TTC21B: variants seen among roughly 807,000 people sequenced by gnomAD.
TTC21B encodes the protein tetratricopeptide repeat domain 21B, also known as tetratricopeptide repeat protein 21B.
Under a neutral mutation model 175.1 loss-of-function variants are expected in TTC21B, and 127 were observed. The observed-to-expected ratio is 0.73, with a 90% CI of 0.63 to 0.84. The LOEUF (loss-of-function observed/expected upper bound fraction) is 0.84, where lower values mean the gene tolerates loss of function less well. TTC21B is among the 40% of genes least tolerant of loss of function. The pLI, the probability that TTC21B is intolerant of heterozygous loss-of-function variation, is 0.00. For synonymous variants in TTC21B, 524 were observed against 524.5 expected (o/e 1.00, Z 0.01); for missense variants, 1,561 against 1,558.3 (o/e 1.00, Z -0.03).
chr2:165,879,555 C>T (rs1207984344), intron 27 of TTC21B: 1 of 152,166 alleles, frequency 6.6e-6, no homozygotes, highest in Admixed American at 6.5e-5. Flanking sequence ...GCTGAAAAGA[C>T]TGATGCCATC....
rs373891320 is a variant in TTC21B, at chr2:165,876,219, T to C, written c.3819A>G (p.Ala1273=). ...RTNPAVGYKL[A]FNYLKAKRYV... ...ATCTTTTTGCTTTTAAGTAATTAAATGCCAGTTTGTATCCTGTTAAGACAA... is the reference window on the plus strand; with the variant it reads ...ATCTTTTTGCTTTTAAGTAATTAAACGCCAGTTTGTATCCTGTTAAGACAA... The change falls in exon 28 of 29, where the codon GCA becomes GCG. Residue 1273 remains alanine, a synonymous_variant. Transcript: ENST00000243344. The C allele has an allele frequency of 1.2e-4, 195 of 1,592,956 alleles. No individual in the cohort carries two copies. Among genetic ancestry groups the C allele is most frequent in the Middle Eastern group, 3.5e-4 (2 of 5,634 alleles).
chr2:165,920,789 T>TTTTGAAATATTTTAAATATTTAAAATAA, intron 12 of TTC21B, among the ~76,000 whole-genome samples: 1 of 151,546 alleles, frequency 6.6e-6, no homozygotes, highest in African/African-American at 2.4e-5. Flanking sequence ...ATTTAAAATA[T>TTTTGAAATATTTTAAATATTTAAAATAA]TTTGAAGGAT....
chr2:165,932,843 A>G (rs1686961707), intron 7 of TTC21B, 130 bp downstream of exon 7: 1 of 815,330 alleles, frequency 1.2e-6, no homozygotes, highest in East Asian at 2.8e-5. Context: ...TCAACTAAAA[A>G]CTACCATGAT....
At chr2:165,917,601 G>A in intron 13 of TTC21B, 120 bp from the exon 14 acceptor site, 1 of 818,784 alleles carries the variant, frequency 1.2e-6, no homozygotes, top group Non-Finnish European at 2.0e-6. Flanking sequence ...TTGTATGCAT[G>A]AGGTCTATCT....
Position 165,874,434 on chromosome 2 carries a change from C to A in TTC21B, c.*321G>T. The stretch of plus-strand genomic sequence containing the variant: ...AAATATATTTCCTGAAATAATATTC[C>A]TTAGAAAAGATACAGGGTATTTAAT... On this transcript the variant is annotated 3_prime_UTR_variant, in exon 29 of 29. Coordinates refer to ENST00000243344, the MANE Select transcript of TTC21B (RefSeq NM_024753.5). 5.2e-6 allele frequency: 1 copy of A among 193,604 alleles called. No homozygotes were observed. Among genetic ancestry groups the A allele is most frequent in the Non-Finnish European group, 1.1e-5 (1 of 93,310 alleles). 12.0% of individuals were successfully genotyped at this position (193,604 alleles called of 1,614,324 possible).
intron 20 of TTC21B, among the ~76,000 whole-genome samples, chr2:165,901,521 C>T (rs1685558685): frequency 6.6e-6 from 1 of 151,950 alleles, no homozygotes; most frequent in Non-Finnish European, 1.5e-5. Context: ...CAAGGTTTCC[C>T]CATGTTGGTC....
chr2:165,886,553 T>G (rs962450548), intron 25 of TTC21B, among the ~76,000 whole-genome samples: 3 of 152,166 alleles, frequency 2.0e-5, no homozygotes, highest in African/African-American at 7.2e-5. Flanking sequence ...CATATATCAT[T>G]GTCTTTTGAA....
intron 4 of TTC21B, among the ~76,000 whole-genome samples, 163 bp from the exon 5 acceptor site, chr2:165,943,504 G>T (rs1298753074): frequency 6.6e-6 from 1 of 152,070 alleles, no homozygotes; most frequent in Admixed American, 6.6e-5. Flanking sequence ...TTGAACCCTT[G>T]CCAGCCTAGT....
At chr2:165,913,198 G>T (rs1311753603) in intron 16 of TTC21B, among the ~76,000 whole-genome samples, 1 of 151,984 alleles carries the variant, frequency 6.6e-6, no homozygotes, top group Non-Finnish European at 1.5e-5. Flanking sequence ...CTAATTTTTT[G>T]TATTTTTTGT....
intron 13 of TTC21B, 147 bp downstream of exon 13, chr2:165,919,129 T>C: frequency 3.3e-6 from 3 of 906,810 alleles, no homozygotes; most frequent in Non-Finnish European, 5.3e-6. Flanking sequence ...CCTCAATTTT[T>C]CCTCCTACTG....
At chr2:165,889,493 C>T (rs956293146) in intron 24 of TTC21B, among the ~76,000 whole-genome samples, 1 of 152,290 alleles carries the variant, frequency 6.6e-6, no homozygotes, top group Non-Finnish European at 1.5e-5. Flanking sequence ...CTAGCTGTGA[C>T]CTCTCTTTCT....
In TTC21B at chr2:165,901,721, C is replaced by T. The variant is rs753827127; in HGVS notation, c.2757+1G>A. Reference sequence around the variant, plus strand: ...ATTTAAAATTTTATAAAGGTACTGACCTTATTATCTGTTTCGCAGTGAACC... The same window carrying T: ...ATTTAAAATTTTATAAAGGTACTGATCTTATTATCTGTTTCGCAGTGAACC... On this transcript the variant is annotated splice_donor_variant, in intron 20 of 28. Transcript: ENST00000243344. LOFTEE classifies it high-confidence loss of function. The T allele has an allele frequency of 3.1e-6, 5 of 1,613,250 alleles. No individual in the cohort carries two copies. The highest frequency in any genetic ancestry group is 1.1e-5 in the South Asian group (1 of 91,056).
At chr2:165,910,443 T>C (rs1042502428) in intron 18 of TTC21B, among the ~76,000 whole-genome samples, 5 of 151,862 alleles carry the variant, frequency 3.3e-5, no homozygotes, top group Non-Finnish European at 5.9e-5. Context: ...TTTACAAACT[T>C]GAAAGAAGGT....
At chr2:165,925,234 G>A (rs1559063149) in intron 11 of TTC21B, among the ~76,000 whole-genome samples, 1 of 151,902 alleles carries the variant, frequency 6.6e-6, no homozygotes, top group Admixed American at 6.6e-5. Context: ...TCTTCATCCC[G>A]GCATGTTTTA....
At position 165,886,346 on chromosome 2, in the gene TTC21B, T is replaced by C. The variant is rs16851224; in HGVS notation, c.3459+1933A>G. Among the ~76,000 whole-genome samples the C allele has an allele frequency of 6.6e-3, 1,004 of 152,354 alleles. 13 individuals are homozygous for C. The highest frequency in any genetic ancestry group is 0.023 in the African/African-American group (952 of 41,588). On this transcript the variant is annotated intron_variant, in intron 25 of 28. Transcript: ENST00000243344. ...CATTTTGCTTTGTATTAAGTCATCA[T>C]AGTCAGTATGCTTGTCTTGTCTTCC...
In TTC21B at chr2:165,915,402, T is replaced by A. The variant is rs1376184705; in HGVS notation, c.1937A>T (p.Glu646Val). ...ATKVLQDAIH[E>V]FSGTSEEVRV... ...CACTTCTTCAGATGTTCCAGAAAAT[T>A]CATGGATGGCATCTTGTAAAACTTT... The change falls in exon 15 of 29, where the codon GAA becomes GTA. Residue 646 changes from glutamate (E) to valine (V), a missense_variant. Coordinates refer to ENST00000243344, the MANE Select transcript of TTC21B (RefSeq NM_024753.5). 1 of 1,614,120 alleles carries A rather than the reference T, an allele frequency of 6.2e-7. No individual in the cohort carries two copies. The highest frequency in any genetic ancestry group is 1.3e-5 in the African/African-American group (1 of 75,050).
At chr2:165,875,529 A>G (rs1405397125) in intron 28 of TTC21B, among the ~76,000 whole-genome samples, 1 of 152,196 alleles carries the variant, frequency 6.6e-6, no homozygotes, top group African/African-American at 2.4e-5. Flanking sequence ...GGGACAATGT[A>G]TATATAAAGA....
rs1685927867 is a variant in TTC21B at position 165,911,402 on chromosome 2, C to T, written c.2386G>A (p.Ala796Thr). 1 of 1,613,820 alleles carries T rather than the reference C, an allele frequency of 6.2e-7. No individual in the cohort carries two copies. The highest frequency in any genetic ancestry group is 1.3e-5 in the African/African-American group (1 of 74,998). The change falls in exon 18 of 29, where the codon GCT (alanine) becomes ACT (threonine). Residue 796 changes from alanine (A) to threonine (T), a missense_variant. Coordinates refer to ENST00000243344, the MANE Select transcript of TTC21B (RefSeq NM_024753.5). ...CATTTCAATTTTAATAAGAGCTCAG[C>T]CAGGTCATAGCAAAGATAATTCTTT... Reference protein sequence around the residue: ...GQKNYLCYDLAELLLKLKWYD... With the variant: ...GQKNYLCYDLTELLLKLKWYD...
intron 12 of TTC21B, among the ~76,000 whole-genome samples, chr2:165,922,740 C>T (rs971441215): frequency 1.3e-5 from 2 of 151,966 alleles, no homozygotes; most frequent in African/African-American, 2.4e-5. Flanking sequence ...TAGATATCTA[C>T]CCAAAGGAAA....
Sources: gnomAD v4.1 joint callset for allele counts (sites outside exome capture counted in the v4.1 genomes callset) on GRCh38, gnomAD v4.1.1 for gene constraint, MANE v1.5 for transcripts, NCBI Gene and HGNC (gene_info 2026-07-23, HGNC 2026-07-21) for gene names.